Variants in STK32B observed in about 807,000 individuals in gnomAD.
STK32B encodes serine/threonine kinase 32B.
A neutral mutation model predicts 52.6 loss-of-function variants in STK32B; 43 were observed. The ratio of observed to expected loss-of-function variants is 0.82; its 90% CI spans 0.64 to 1.05. The LOEUF (loss-of-function observed/expected upper bound fraction) is 1.05. STK32B is among the 50% of genes least tolerant of loss of function. STK32B has a pLI of 0.00. For missense variants in STK32B, 621 were observed against 534.6 expected (o/e 1.16, Z -1.59); for synonymous variants, 238 against 204.3 (o/e 1.17, Z -1.41).
chr4:5,389,636 C>T (rs1365755484), intron 4 of STK32B, among the ~76,000 whole-genome samples: 1 of 152,136 alleles, frequency 6.6e-6, no homozygotes, highest in African/African-American at 2.4e-5. Context: ...CATTCAGAGA[C>T]ACTGGGAATA....
At chr4:5,489,608 T>C (rs1485485774) in intron 11 of STK32B, among the ~76,000 whole-genome samples, 1 of 152,018 alleles carries the variant, frequency 6.6e-6, no homozygotes, top group Admixed American at 6.6e-5. Context: ...AACAATTTTA[T>C]TTTATTTTAT....
rs924733165 is a variant in STK32B, at chr4:5,467,780, G to A, written c.1042-226G>A. ...TCCATTCTAACATGGCTTTTAAGTTGGATTTCATGGCTTAACGTGGAGAAA... is the reference window on the plus strand; with the variant it reads ...TCCATTCTAACATGGCTTTTAAGTTAGATTTCATGGCTTAACGTGGAGAAA... On this transcript the variant is annotated intron_variant, in intron 10 of 11. Transcript: ENST00000282908. This position sits in a 1 kb window ranked among gnomAD's most constrained non-coding sequence, Gnocchi z 5.8. Among the ~76,000 whole-genome samples, 1 of 152,070 alleles carries A rather than the reference G, an allele frequency of 6.6e-6. No homozygotes were observed. The highest frequency in any genetic ancestry group is 1.5e-5 in the Non-Finnish European group (1 of 68,026).
rs546638849 is a variant in STK32B, at chr4:5,103,232, C to T, written c.53-36673C>T. 1.4e-4 allele frequency among the ~76,000 whole-genome samples: 21 copies of T among 151,944 alleles called. No individual in the cohort carries two copies. The East Asian group carries it at 3.5e-3, about 25-fold the overall frequency. On this transcript the variant is annotated intron_variant, in intron 1 of 11. Transcript: ENST00000282908. Reference sequence around the variant, plus strand: ...AAATAATATAACACACACCAGTGTACCCTGCCCTCAGCTTACGAAGTGAAA... The same window carrying T: ...AAATAATATAACACACACCAGTGTATCCTGCCCTCAGCTTACGAAGTGAAA...
chr4:5,416,070 A>G (rs746298080), intron 5 of STK32B, among the ~76,000 whole-genome samples: 12 of 152,202 alleles, frequency 7.9e-5, no homozygotes, highest in African/African-American at 1.2e-4. Flanking sequence ...TATAACTATT[A>G]TCCAAGGCTT....
intron 1 of STK32B, among the ~76,000 whole-genome samples, chr4:5,076,310 A>T (rs574973000): frequency 6.6e-6 from 1 of 152,204 alleles, no homozygotes; most frequent in Non-Finnish European, 1.5e-5. Context: ...TAACAATTGC[A>T]TATTATCCTA....
At chr4:5,451,757 C>G (rs538662895) in intron 7 of STK32B, among the ~76,000 whole-genome samples, 1 of 152,270 alleles carries the variant, frequency 6.6e-6, no homozygotes, top group South Asian at 2.1e-4. Context: ...CCAGTTATGA[C>G]AATCCAAAAT....
rs1725730548 is a variant in STK32B, at chr4:5,249,440, T to C, written c.260+80990T>C. Among the ~76,000 whole-genome samples, 3 of 117,792 alleles carry C rather than the reference T, an allele frequency of 2.5e-5. 1 individual carries two copies. The highest frequency in any genetic ancestry group is 6.2e-4 in the South Asian group (2 of 3,222). The allele number at this position is 117,792 out of a possible 152,430, so 77.3% of individuals were successfully genotyped here. A position where few individuals can be genotyped will look rare whatever the true frequency, so the allele number is the denominator to read the frequency against. On this transcript the variant is annotated intron_variant, in intron 3 of 11. Coordinates refer to ENST00000282908, the MANE Select transcript of STK32B (RefSeq NM_018401.3). ...TGTCTGTTCTTCCTTCCTTCCTACC[T>C]ACCTTCCTTCCTTCCTTCCTTCCTT... is the stretch of plus-strand genomic sequence containing the variant.
chr4:5,479,678 G>A (rs1281804727), intron 11 of STK32B, among the ~76,000 whole-genome samples: 1 of 152,160 alleles, frequency 6.6e-6, no homozygotes, highest in Non-Finnish European at 1.5e-5. Context: ...CTCTTCCAGG[G>A]ATTCTAGAGA....
intron 1 of STK32B, among the ~76,000 whole-genome samples, chr4:5,100,791 T>C (rs1026150710): frequency 2.5e-5 from 1 of 39,628 alleles, no homozygotes. Flanking sequence ...TTCCTTCCTT[T>C]ATTCCTTCCC....
intron 11 of STK32B, among the ~76,000 whole-genome samples, chr4:5,485,366 C>G (rs978186254): frequency 6.6e-6 from 1 of 152,136 alleles, no homozygotes; most frequent in African/African-American, 2.4e-5. Flanking sequence ...ACCCTTTCTT[C>G]CAGTTGATCG....
At chr4:5,416,955 C>T (rs1001257530) in intron 6 of STK32B, 21 bp downstream of exon 6, 23 of 1,600,838 alleles carry the variant, frequency 1.4e-5, no homozygotes, top group Non-Finnish European at 2.0e-5. Flanking sequence ...CAGGCCCCTT[C>T]TTTTCATGTG....
At chr4:5,249,328 A>G (rs1339708721) in intron 3 of STK32B, among the ~76,000 whole-genome samples, 4 of 152,208 alleles carry the variant, frequency 2.6e-5, no homozygotes, top group African/African-American at 9.6e-5. Flanking sequence ...CACACAACTA[A>G]GAAGGCTCAA....
At chr4:5,318,950 C>T (rs902564170) in intron 3 of STK32B, among the ~76,000 whole-genome samples, 2 of 152,008 alleles carry the variant, frequency 1.3e-5, no homozygotes, top group African/African-American at 4.8e-5. Flanking sequence ...CAGGTGCCCG[C>T]CACCATGCCC....
chr4:5,301,786 A>G (rs1285760994), intron 3 of STK32B, among the ~76,000 whole-genome samples: 2 of 130,576 alleles, frequency 1.5e-5, no homozygotes, highest in Admixed American at 7.8e-5. Context: ...CTTTTATTTC[A>G]TTGAAATAGA....
chr4:5,238,678 G>A (rs74945920), intron 3 of STK32B, among the ~76,000 whole-genome samples: 5,262 of 152,200 alleles, frequency 0.035, 197 homozygotes, highest in African/African-American at 0.095. Context: ...AAATTTAGCC[G>A]TGAAAAATAC....
intron 4 of STK32B, among the ~76,000 whole-genome samples, chr4:5,335,740 G>A (rs181470645): frequency 1.1e-4 from 16 of 152,046 alleles, no homozygotes; most frequent in East Asian, 7.8e-4. Context: ...TTATGTACCC[G>A]GTAGTCTTTC....
rs569461083 is a variant in STK32B at position 5,390,139 on chromosome 4, C to T, written c.435-8068C>T. Among the ~76,000 whole-genome samples the T allele has an allele frequency of 1.2e-4, 19 of 152,376 alleles. No homozygotes were observed. The South Asian group carries it at 3.3e-3, about 27-fold the overall frequency. On this transcript the variant is annotated intron_variant, in intron 4 of 11. Coordinates refer to ENST00000282908, the MANE Select transcript of STK32B (RefSeq NM_018401.3). ...AATGAAGGTGTGTTGTTTGGACTCA[C>T]TCCATTTGTAGTGGTTGTTACTGCA...
intron 1 of STK32B, among the ~76,000 whole-genome samples, chr4:5,098,845 A>G (rs1278094805): frequency 6.6e-6 from 1 of 152,252 alleles, no homozygotes; most frequent in African/African-American, 2.4e-5. Flanking sequence ...TATGGGATCC[A>G]GGGAAAGAAG....
At chr4:5,388,667 TAGAA>T (rs1736410509) in intron 4 of STK32B, among the ~76,000 whole-genome samples, 2 of 152,084 alleles carry the variant, frequency 1.3e-5, no homozygotes, top group African/African-American at 4.8e-5. Flanking sequence ...TAGTTGGAAG[TAGAA>T]AGAAAGAAAA....
Sources: allele counts gnomAD v4.1 joint callset (sites outside exome capture counted in the v4.1 genomes callset), GRCh38; gene constraint gnomAD v4.1.1; non-coding constraint Gnocchi (gnomAD v3.1); transcripts MANE v1.5; gene names NCBI Gene and HGNC (gene_info 2026-07-23, HGNC 2026-07-21).